TMOD1: variants seen among roughly 807,000 people sequenced by gnomAD.
TMOD1 encodes tropomodulin 1, also known as tropomodulin-1.
In TMOD1, 17 loss-of-function variants were observed where a neutral mutation model predicts 40.6. The observed-to-expected ratio is 0.42, with a 90% CI of 0.29 to 0.63. The LOEUF (loss-of-function observed/expected upper bound fraction) is 0.63. Among genes scored for constraint, TMOD1 ranks in the 20% least tolerant of loss-of-function variants. TMOD1 has a pLI of 0.22. For missense variants in TMOD1, 391 were observed against 447.6 expected, an observed-to-expected ratio of 0.87 and a Z score of 1.14; for synonymous variants, 181 against 175.0, an observed-to-expected ratio of 1.03 and a Z score of -0.27.
intron 4 of TMOD1, among the ~76,000 whole-genome samples, chr9:97,556,668 C>T (rs1299566902): frequency 6.6e-6 from 1 of 152,190 alleles, no homozygotes; most frequent in Admixed American, 6.5e-5. Context: ...AGTTTCCACC[C>T]TCACAGAGTC....
chr9:97,535,373 G>A (rs1277234154), intron 2 of TMOD1, among the ~76,000 whole-genome samples: 1 of 152,126 alleles, frequency 6.6e-6, no homozygotes, highest in South Asian at 2.1e-4. Flanking sequence ...AGGCCATGCC[G>A]CCCTCATCTG....
chr9:97,597,262 T>G (rs751838166), intron 9 of TMOD1, among the ~76,000 whole-genome samples: 11 of 152,244 alleles, frequency 7.2e-5, no homozygotes, highest in Non-Finnish European at 1.5e-4. Flanking sequence ...CAGCTTTTAC[T>G]CCCAGTTTTG....
chr9:97,595,068 C>T (rs889563972), intron 9 of TMOD1, among the ~76,000 whole-genome samples: 2 of 152,088 alleles, frequency 1.3e-5, no homozygotes, highest in African/African-American at 2.4e-5. Flanking sequence ...ACATAGCACA[C>T]TGCAAAGCAA....
intron 1 of TMOD1, among the ~76,000 whole-genome samples, chr9:97,503,203 G>A (rs1829533394): frequency 6.6e-6 from 1 of 152,166 alleles, no homozygotes. Flanking sequence ...GGTCACGCCA[G>A]AAGTTCTGCA....
intron 6 of TMOD1, 124 bp from the exon 7 acceptor site, chr9:97,565,724 T>A: frequency 1.4e-6 from 1 of 720,684 alleles, no homozygotes; most frequent in East Asian, 2.5e-5. Context: ...CTAAACCTTT[T>A]GCCCATTCAG....
At chr9:97,560,226 C>T (rs2131262631) in intron 4 of TMOD1, among the ~76,000 whole-genome samples, 1 of 152,132 alleles carries the variant, frequency 6.6e-6, no homozygotes, top group Non-Finnish European at 1.5e-5. Context: ...CTCCAGAAGC[C>T]TACAGTCTAG....
In TMOD1 at chr9:97,601,178, CT is replaced by C. The variant is rs1342990376; in HGVS notation, c.*1481del. 36 of 1,297,028 alleles carry C rather than the reference CT, an allele frequency of 2.8e-5. No individual in the cohort carries two copies. Among genetic ancestry groups the C allele is most frequent in the Non-Finnish European group, 3.7e-5 (36 of 986,104 alleles). 80.3% of individuals were successfully genotyped at this position (1,297,028 alleles called of 1,614,324 possible). ...AGGGACAACCATCCCCATTTGGCTT[CT>C]CCTTAAAACACAATTGCAGCTGCAT... is the stretch of plus-strand genomic sequence containing the variant. On this transcript the variant is annotated 3_prime_UTR_variant, in exon 10 of 10. Coordinates refer to ENST00000259365, the MANE Select transcript of TMOD1 (RefSeq NM_003275.4).
chr9:97,553,371 C>T lies in TMOD1; in HGVS notation c.368C>T (p.Ala123Val). Residue 123 changes from alanine (A) to valine (V), a missense_variant, in exon 4 of 10, where the codon GCT becomes GTT. Ala to Val is a moderately conservative substitution (Grantham distance 64). Transcript: ENST00000259365. The part of the protein sequence containing the change: ...EPELEEALAN[A>V]SDAELCDIAA... ...GAGCTGGAGGAAGCCTTGGCAAATG[C>T]TTCAGATGCAGAACTCTGTGACATT... 1 of 1,614,240 alleles carries T rather than the reference C, an allele frequency of 6.2e-7. No homozygotes were observed. The highest frequency in any genetic ancestry group is 2.2e-5 in the East Asian group (1 of 44,896).
chr9:97,554,723 A>C (rs1195886689), intron 4 of TMOD1, among the ~76,000 whole-genome samples: 1 of 152,158 alleles, frequency 6.6e-6, no homozygotes, highest in East Asian at 1.9e-4. Flanking sequence ...ATGTAAGCCC[A>C]GAGGCCACGG....
At chr9:97,538,349 T>C (rs1830218204) in intron 2 of TMOD1, among the ~76,000 whole-genome samples, 1 of 152,126 alleles carries the variant, frequency 6.6e-6, no homozygotes, top group African/African-American at 2.4e-5. Flanking sequence ...TATACAAATC[T>C]CACAACCTGT....
intron 4 of TMOD1, among the ~76,000 whole-genome samples, chr9:97,555,136 G>T (rs1285090981): frequency 1.3e-5 from 2 of 152,176 alleles, no homozygotes; most frequent in African/African-American, 4.8e-5. Flanking sequence ...ACTTAACTCC[G>T]GAACCTAGTT....
chr9:97,586,226 G>C (rs369678278), intron 8 of TMOD1, among the ~76,000 whole-genome samples: 11 of 152,284 alleles, frequency 7.2e-5, no homozygotes, highest in South Asian at 4.1e-4. Flanking sequence ...TTCTAACAGA[G>C]AGGACCCTCA....
At position 97,513,412 on chromosome 9, in the gene TMOD1, C is replaced by G. The variant is rs1829740077; in HGVS notation, c.-48-10729C>G. On this transcript the variant is annotated intron_variant, in intron 1 of 9. Transcript: ENST00000259365. This position sits in a 1 kb window ranked among gnomAD's most constrained non-coding sequence, Gnocchi z 4.1. ...AGAGCCAGGGGTAGGGATTTCAGCC[C>G]AGGTTTGCATGACCCCTAGTTCAAG... Among the ~76,000 whole-genome samples the G allele has an allele frequency of 6.6e-6, 1 of 152,166 alleles. No individual in the cohort carries two copies. The highest frequency in any genetic ancestry group is 1.5e-5 in the Non-Finnish European group (1 of 68,028).
chr9:97,555,444 C>T (rs1387819392), intron 4 of TMOD1: 2 of 1,412,470 alleles, frequency 1.4e-6, no homozygotes, highest in African/African-American at 2.9e-5. Context: ...TGTGCCAGGT[C>T]AGAGCTGCAA....
At chr9:97,580,636 G>A (rs1825730259) in intron 8 of TMOD1, among the ~76,000 whole-genome samples, 1 of 151,204 alleles carries the variant, frequency 6.6e-6, no homozygotes, top group Non-Finnish European at 1.5e-5. Context: ...AAGGAAGGAG[G>A]GAAGGAAGGG....
chr9:97,537,698 T>A (rs948992284), intron 2 of TMOD1, among the ~76,000 whole-genome samples: 1 of 152,254 alleles, frequency 6.6e-6, no homozygotes, highest in Non-Finnish European at 1.5e-5. Context: ...AGTTGCCTAA[T>A]TTCCACCTCT....
chr9:97,586,589 C>T (rs377337478), intron 8 of TMOD1, among the ~76,000 whole-genome samples: 26 of 151,450 alleles, frequency 1.7e-4, no homozygotes, highest in East Asian at 9.7e-4. Flanking sequence ...CAATGGCGGG[C>T]GCCCCTCCCC....
chr9:97,531,602 C>A (rs1028574568), intron 2 of TMOD1, among the ~76,000 whole-genome samples: 2 of 152,048 alleles, frequency 1.3e-5, no homozygotes, highest in African/African-American at 4.8e-5. Flanking sequence ...CAGAGCAAGA[C>A]TCCATCTCAA....
intron 1 of TMOD1, among the ~76,000 whole-genome samples, chr9:97,504,308 A>G (rs1829554482): frequency 6.6e-6 from 1 of 152,156 alleles, no homozygotes; most frequent in African/African-American, 2.4e-5. Flanking sequence ...GAGCTGAAGA[A>G]GTTCTCCACT....
Sources: gnomAD v4.1 joint callset for allele counts (sites outside exome capture counted in the v4.1 genomes callset) on GRCh38, gnomAD v4.1.1 for gene constraint, Gnocchi (gnomAD v3.1) non-coding constraint, MANE v1.5 for transcripts, NCBI Gene and HGNC (gene_info 2026-07-23, HGNC 2026-07-21) for gene names.